Variants in AFF3 observed in about 807,000 individuals in gnomAD.
AFF3 encodes ALF transcription elongation factor 3, also known as AF4/FMR2 family member 3.
In AFF3, 32 loss-of-function variants were observed where a neutral mutation model predicts 129.7. The ratio of observed to expected loss-of-function variants is 0.25; its 90% CI spans 0.19 to 0.33. The LOEUF (loss-of-function observed/expected upper bound fraction) is 0.33, where lower values mean the gene tolerates loss of function less well. Ranked by LOEUF, AFF3 falls within the 10% of genes least tolerant of loss-of-function variation. AFF3 has a pLI of 1.00. For missense variants in AFF3, 1,373 were observed against 1,592.0 expected (o/e 0.86, Z 2.34); for synonymous variants, 644 against 635.4 (o/e 1.01, Z -0.20).
intron 8 of AFF3, among the ~76,000 whole-genome samples, chr2:99,760,295 A>G (rs900904883): frequency 1.3e-5 from 2 of 152,220 alleles, no homozygotes; most frequent in African/African-American, 4.8e-5. Context: ...TGTATTACTA[A>G]AACAGAAAGA....
At chr2:99,996,793 A>C (rs1680883135) in intron 7 of AFF3, among the ~76,000 whole-genome samples, 1 of 152,008 alleles carries the variant, frequency 6.6e-6, no homozygotes, top group African/African-American at 2.4e-5. Flanking sequence ...AATGTCTCTA[A>C]TTCCTCTTCT....
At chr2:99,761,200 G>C (rs957555890) in intron 8 of AFF3, among the ~76,000 whole-genome samples, 1 of 98,100 alleles carries the variant, frequency 1.0e-5, no homozygotes, top group Non-Finnish European at 2.0e-5. Context: ...TTTTTTTTTT[G>C]TATAGGCTTA....
At chr2:100,115,901 T>G (rs781548847) in intron 2 of AFF3, among the ~76,000 whole-genome samples, 1 of 152,250 alleles carries the variant, frequency 6.6e-6, no homozygotes, top group Non-Finnish European at 1.5e-5. Context: ...CTTTGAGTGC[T>G]GTCAATTTTA....
At chr2:99,931,068 T>C (rs181386292) in intron 7 of AFF3, among the ~76,000 whole-genome samples, 3 of 152,322 alleles carry the variant, frequency 2.0e-5, no homozygotes, top group Non-Finnish European at 2.9e-5. Context: ...AGACGGTTCA[T>C]AGGTTTAAGA....
chr2:100,040,216 AACCT>A (rs1559079846), intron 4 of AFF3, among the ~76,000 whole-genome samples: 1 of 152,110 alleles, frequency 6.6e-6, no homozygotes, highest in East Asian at 1.9e-4. Flanking sequence ...TATTGCTTAC[AACCT>A]ACCCTGTTAG....
intron 7 of AFF3, among the ~76,000 whole-genome samples, chr2:99,888,336 T>C (rs564656722): frequency 6.6e-6 from 1 of 152,340 alleles, no homozygotes; most frequent in African/African-American, 2.4e-5. Flanking sequence ...AAACTGTTAA[T>C]TAAACAGGAG....
intron 7 of AFF3, among the ~76,000 whole-genome samples, chr2:99,928,133 G>A (rs145467524): frequency 4.6e-5 from 7 of 152,102 alleles, no homozygotes; most frequent in Non-Finnish European, 4.4e-5. Flanking sequence ...AACCTCTTTC[G>A]TTTGTAAACT....
chr2:99,960,411 C>T (rs779813477), intron 7 of AFF3, among the ~76,000 whole-genome samples: 1 of 151,920 alleles, frequency 6.6e-6, no homozygotes, highest in Non-Finnish European at 1.5e-5. Context: ...GTACCGTAGT[C>T]ATTCTGATAC....
intron 7 of AFF3, among the ~76,000 whole-genome samples, chr2:99,942,095 T>C (rs992696106): frequency 6.6e-6 from 1 of 152,198 alleles, no homozygotes; most frequent in African/African-American, 2.4e-5. Flanking sequence ...CAGTCATCCC[T>C]TTCTCTAGTG....
At chr2:100,090,598 AAAAT>A in intron 4 of AFF3, among the ~76,000 whole-genome samples, 2 of 152,330 alleles carry the variant, frequency 1.3e-5, no homozygotes, top group Middle Eastern at 6.8e-3. Flanking sequence ...TTGAAAGTTC[AAAAT>A]AAATCTCAAG....
At position 99,916,000 on chromosome 2, in the gene AFF3, C is replaced by T. The variant is rs201449812; in HGVS notation, c.874-78476G>A. Among the ~76,000 whole-genome samples, 3 of 152,268 alleles carry T rather than the reference C, an allele frequency of 2.0e-5. No homozygotes were observed. The East Asian group carries it at 5.8e-4, about 29-fold the overall frequency. Reference sequence around the variant, plus strand: ...TAAAGTTTCTGAAAGACAAAGCAAACCCCGGGAACTGCTACTTATCAAAGG... The same window carrying T: ...TAAAGTTTCTGAAAGACAAAGCAAATCCCGGGAACTGCTACTTATCAAAGG... On this transcript the variant is annotated intron_variant, in intron 7 of 24. Coordinates refer to ENST00000672756, the MANE Select transcript of AFF3 (RefSeq NM_001386135.1).
chr2:99,828,406 G>A (rs1318650217), intron 8 of AFF3, among the ~76,000 whole-genome samples: 12 of 152,194 alleles, frequency 7.9e-5, no homozygotes, highest in Non-Finnish European at 1.3e-4. Context: ...GGAGGGGTCC[G>A]CGATCCAGAC....
At chr2:100,023,925 A>G (rs1683806826) in intron 4 of AFF3, among the ~76,000 whole-genome samples, 1 of 152,186 alleles carries the variant, frequency 6.6e-6, no homozygotes, top group Non-Finnish European at 1.5e-5. Context: ...GGAATATACT[A>G]TTCATATTTA....
chr2:100,000,790 C>T (rs539587062), intron 7 of AFF3, among the ~76,000 whole-genome samples: 10 of 152,306 alleles, frequency 6.6e-5, no homozygotes, highest in African/African-American at 9.6e-5. Flanking sequence ...ACTTGCTCCC[C>T]GTCACACGGC....
intron 10 of AFF3, among the ~76,000 whole-genome samples, chr2:99,730,694 T>C (rs534454321): frequency 2.0e-5 from 3 of 152,084 alleles, no homozygotes; most frequent in East Asian, 3.9e-4. Flanking sequence ...TTTTTATTTT[T>C]AGTAGAGACG....
intron 11 of AFF3, among the ~76,000 whole-genome samples, chr2:99,685,925 A>G (rs2309729): frequency 0.86 from 130,516 of 152,192 alleles, 56,097 homozygotes; most frequent in East Asian, 0.92. Context: ...GGTGGCTCAA[A>G]CCTGTAATCC....
chr2:99,741,509 C>A (rs1558805307), intron 10 of AFF3, among the ~76,000 whole-genome samples: 1 of 152,170 alleles, frequency 6.6e-6, no homozygotes, highest in Non-Finnish European at 1.5e-5. Context: ...ATCCAACTTA[C>A]AAGGGACGTG....
chr2:99,641,952 T>A (rs1684242052), intron 13 of AFF3, among the ~76,000 whole-genome samples: 1 of 152,078 alleles, frequency 6.6e-6, no homozygotes, highest in Non-Finnish European at 1.5e-5. Context: ...TCCCTGCGAG[T>A]GGAATCCTTG....
At chr2:100,067,972 T>C (rs1687862414) in intron 4 of AFF3, among the ~76,000 whole-genome samples, 1 of 152,210 alleles carries the variant, frequency 6.6e-6, no homozygotes, top group South Asian at 2.1e-4. Context: ...AGAAATAGTT[T>C]AAACACAAAA....
Sources: gnomAD v4.1 joint callset for allele counts (sites outside exome capture counted in the v4.1 genomes callset) on GRCh38, gnomAD v4.1.1 for gene constraint, MANE v1.5 for transcripts, NCBI Gene and HGNC (gene_info 2026-07-23, HGNC 2026-07-21) for gene names.